Variants in IDO2 observed in about 807,000 individuals in gnomAD.
The protein encoded by IDO2 is indoleamine 2,3-dioxygenase 2, also known as indoleamine 2,3-dioxygenase-like 1 protein.
In IDO2, 46 loss-of-function variants were observed where a neutral mutation model predicts 45.1. That is an observed-to-expected ratio of 1.02 (90% CI 0.80 to 1.30). IDO2 has a LOEUF of 1.30. Ranked by LOEUF, IDO2 falls within the 50% of genes most tolerant of loss-of-function variation. The pLI is 0.00. For synonymous variants in IDO2, 218 were observed against 184.9 expected (o/e 1.18, Z -1.45); for missense variants, 544 against 491.8 (o/e 1.11, Z -1.00).
chr8:39,964,511 C>CG (rs143609527), intron 3 of IDO2, among the ~76,000 whole-genome samples: 2,636 of 152,276 alleles, frequency 0.017, 75 homozygotes, highest in African/African-American at 0.059. Context: ...CACATAATTG[C>CG]GGAAGTCCAT....
At chr8:39,946,078 C>G (rs1456307145) in intron 1 of IDO2, among the ~76,000 whole-genome samples, 1 of 152,180 alleles carries the variant, frequency 6.6e-6, no homozygotes, top group Non-Finnish European at 1.5e-5. Flanking sequence ...CTGGAGGCTA[C>G]AAGATTCTGA....
At chr8:39,993,098 C>T (rs532039153) in intron 8 of IDO2, among the ~76,000 whole-genome samples, 20 of 152,284 alleles carry the variant, frequency 1.3e-4, no homozygotes, top group Admixed American at 7.8e-4. Flanking sequence ...GCCTGTCAAC[C>T]GTGCGTGTCT....
At chr8:39,961,565 G>A (rs35561428) in intron 2 of IDO2, among the ~76,000 whole-genome samples, 10 of 151,872 alleles carry the variant, frequency 6.6e-5, no homozygotes, top group Non-Finnish European at 1.2e-4. Flanking sequence ...TAGGTGATCC[G>A]CCCTCCTCGG....
At chr8:39,944,089 T>TC (rs1807695089) in intron 1 of IDO2, among the ~76,000 whole-genome samples, 1 of 151,868 alleles carries the variant, frequency 6.6e-6, no homozygotes, top group South Asian at 2.1e-4. Flanking sequence ...GCTTCCTGCT[T>TC]TTTTTTAGCT....
chr8:39,979,572 C>T (rs141391354), intron 4 of IDO2, among the ~76,000 whole-genome samples: 181 of 151,342 alleles, frequency 1.2e-3, no homozygotes, highest in Non-Finnish European at 2.3e-3. Flanking sequence ...AGGCTGGTCT[C>T]GAACTCTTGA....
intron 6 of IDO2, 83 bp downstream of exon 6, chr8:39,985,605 T>G: frequency 6.2e-6 from 7 of 1,124,612 alleles, no homozygotes; most frequent in Non-Finnish European, 7.8e-6. Context: ...CAAAGCATGC[T>G]AAATTATATG....
intron 3 of IDO2, among the ~76,000 whole-genome samples, chr8:39,968,018 G>A (rs551764426): frequency 1.3e-5 from 2 of 149,246 alleles, no homozygotes; most frequent in African/African-American, 5.0e-5. Context: ...AATGGAAAAT[G>A]TATGTTCCCA....
At chr8:39,999,857 T>A (rs1372513934) in intron 8 of IDO2, among the ~76,000 whole-genome samples, 1 of 152,176 alleles carries the variant, frequency 6.6e-6, no homozygotes, top group Non-Finnish European at 1.5e-5. Context: ...AATCTGAGAA[T>A]ATTCTCCGTA....
intron 5 of IDO2, among the ~76,000 whole-genome samples, chr8:39,983,443 CA>C (rs1808382307): frequency 6.6e-6 from 1 of 152,212 alleles, no homozygotes; most frequent in Non-Finnish European, 1.5e-5. Flanking sequence ...CTGACTACAA[CA>C]GCTGAAGATT....
intron 10 of IDO2, among the ~76,000 whole-genome samples, 188 bp downstream of exon 10, chr8:40,013,901 T>C (rs1802347172): frequency 1.3e-5 from 2 of 152,176 alleles, no homozygotes; most frequent in South Asian, 4.1e-4. Context: ...GAATATCAGA[T>C]GTCAGCTTGA....
intron 8 of IDO2, chr8:39,998,635 C>CT (rs1304035064): frequency 2.3e-4 from 21 of 92,814 alleles, no homozygotes; most frequent in African/African-American, 7.8e-4. Flanking sequence ...TTTTTTTCTT[C>CT]TTCTTTTTTT....
intron 1 of IDO2, among the ~76,000 whole-genome samples, chr8:39,941,999 A>AGAAGGATCACTTGAGCCCAGGAGGT (rs1436880296): frequency 6.6e-6 from 1 of 152,200 alleles, no homozygotes; most frequent in Admixed American, 6.6e-5. Context: ...AGGCTGAGGC[A>AGAAGGATCACTTGAGCCCAGGAGGT]GAAGGATCAC....
intron 1 of IDO2, among the ~76,000 whole-genome samples, chr8:39,936,565 T>A (rs935062009): frequency 6.6e-6 from 1 of 152,188 alleles, no homozygotes; most frequent in Non-Finnish European, 1.5e-5. Flanking sequence ...CTCACACTGT[T>A]ACCCCCAGAC....
intron 8 of IDO2, among the ~76,000 whole-genome samples, chr8:40,003,147 A>G (rs1010363237): frequency 2.6e-5 from 4 of 152,138 alleles, no homozygotes; most frequent in African/African-American, 9.7e-5. Context: ...AGGTGGGTGG[A>G]TCACCTGAGG....
intron 10 of IDO2, 54 bp downstream of exon 10, chr8:40,013,767 G>GC: frequency 3.0e-6 from 3 of 984,294 alleles, no homozygotes; most frequent in Non-Finnish European, 3.9e-6. Flanking sequence ...GAGGAGAGGT[G>GC]TTTTTTTTTT....
At chr8:39,968,663 G>C in intron 3 of IDO2, among the ~76,000 whole-genome samples, 1 of 150,892 alleles carries the variant, frequency 6.6e-6, no homozygotes, top group South Asian at 2.1e-4. Flanking sequence ...TGAACAATGA[G>C]AACACAAGGA....
chr8:39,974,361 C>G (rs1284117594), intron 3 of IDO2, among the ~76,000 whole-genome samples: 1 of 152,214 alleles, frequency 6.6e-6, no homozygotes, highest in African/African-American at 2.4e-5. Context: ...TTAACTGGCT[C>G]TGCTCTTTTC....
At chr8:39,991,561 ACTT>A (rs1360725668) in intron 8 of IDO2, among the ~76,000 whole-genome samples, 3 of 126,066 alleles carry the variant, frequency 2.4e-5, no homozygotes, top group East Asian at 2.4e-4. Context: ...TTTCAGACTC[ACTT>A]CTTTTTTTTT....
At chr8:39,952,574 G>C (rs995540842) in intron 2 of IDO2, among the ~76,000 whole-genome samples, 4 of 152,174 alleles carry the variant, frequency 2.6e-5, no homozygotes, top group Non-Finnish European at 5.9e-5. Flanking sequence ...TGTGGAAAAT[G>C]TGTGCCTCAC....
Sources: gnomAD v4.1 joint callset for allele counts (sites outside exome capture counted in the v4.1 genomes callset) on GRCh38, gnomAD v4.1.1 for gene constraint, MANE v1.5 for transcripts, NCBI Gene and HGNC (gene_info 2026-07-23, HGNC 2026-07-21) for gene names.